Variants in ATP8B4 observed in about 807,000 individuals in gnomAD.
ATP8B4 encodes the protein ATPase phospholipid transporting 8B4 (putative).
Under a neutral mutation model 145.6 loss-of-function variants are expected in ATP8B4, and 133 were observed. The observed-to-expected ratio is 0.91, with a 90% CI of 0.79 to 1.05. The LOEUF is 1.05. Ranked by LOEUF, ATP8B4 falls within the 50% of genes least tolerant of loss-of-function variation. The pLI, the probability that ATP8B4 is intolerant of heterozygous loss-of-function variation, is 0.00. For synonymous variants in ATP8B4, 507 were observed against 492.9 expected, an observed-to-expected ratio of 1.03 and a Z score of -0.38; for missense variants, 1,458 against 1,425.2, an observed-to-expected ratio of 1.02 and a Z score of -0.37.
chr15:49,878,438 C>T (rs12907836), intron 24 of ATP8B4, among the ~76,000 whole-genome samples: 46,325 of 152,094 alleles, frequency 0.3, 7,696 homozygotes, highest in African/African-American at 0.42. Flanking sequence ...TTATATTTTG[C>T]AATAGACGGC....
intron 6 of ATP8B4, among the ~76,000 whole-genome samples, chr15:50,020,900 A>T (rs1270095910): frequency 6.6e-6 from 1 of 152,246 alleles, no homozygotes; most frequent in African/African-American, 2.4e-5. Flanking sequence ...CAAGATAAAT[A>T]CTAAAGTATT....
chr15:50,160,999 G>A (rs1161895446), intron 1 of ATP8B4, among the ~76,000 whole-genome samples: 1 of 152,036 alleles, frequency 6.6e-6, no homozygotes, highest in Non-Finnish European at 1.5e-5. Context: ...TTGTATTGGG[G>A]TCTATCTCTC....
chr15:49,952,276 C>A (rs2043172401), intron 14 of ATP8B4, among the ~76,000 whole-genome samples: 1 of 152,130 alleles, frequency 6.6e-6, no homozygotes, highest in Non-Finnish European at 1.5e-5. Flanking sequence ...TGGATAATAT[C>A]CTAAAGTGTT....
chr15:49,987,558 TA>T lies in ATP8B4; in HGVS notation c.590-10del. 5 of 1,608,406 alleles carry T rather than the reference TA, an allele frequency of 3.1e-6. No individual in the cohort carries two copies. The highest frequency in any genetic ancestry group is 1.1e-5 in the South Asian group (1 of 90,660). ...CTCACAGACAACAATCCCTGGAAAA[TA>T]AAAAAACAAAACAAACCTCTTTATG... On this transcript the variant is annotated splice_polypyrimidine_tract_variant and intron_variant, in intron 9 of 27. Transcript: ENST00000284509.
chr15:50,164,550 T>C (rs549334692), intron 1 of ATP8B4, among the ~76,000 whole-genome samples: 5 of 152,130 alleles, frequency 3.3e-5, no homozygotes, highest in Non-Finnish European at 7.3e-5. Context: ...ATCTCTCTAC[T>C]GTACTGCCTG....
chr15:50,165,563 TAGTTGAAAA>T (rs1168294236), intron 1 of ATP8B4, among the ~76,000 whole-genome samples: 1 of 152,150 alleles, frequency 6.6e-6, no homozygotes, highest in Non-Finnish European at 1.5e-5. Flanking sequence ...TTAAAGGATC[TAGTTGAAAA>T]AGTCAACAAC....
Position 49,991,873 on chromosome 15 carries a change from C to T in ATP8B4, c.590-4324G>A, listed in dbSNP as rs372890014. Among the ~76,000 whole-genome samples, 20 of 152,288 alleles carry T rather than the reference C, an allele frequency of 1.3e-4. No individual in the cohort carries two copies. The East Asian group carries it at 3.3e-3, about 25-fold the overall frequency. ...GGACTTGATCTCTGGTAATTAATTT[C>T]GTACCTTTGGGTTTAGAATATTTTA... On this transcript the variant is annotated intron_variant, in intron 9 of 27. Transcript: ENST00000284509.
At chr15:50,100,911 C>T (rs528805188) in intron 2 of ATP8B4, among the ~76,000 whole-genome samples, 2 of 152,190 alleles carry the variant, frequency 1.3e-5, no homozygotes, top group African/African-American at 4.8e-5. Context: ...ATTAATGTGT[C>T]AATTAACTAA....
chr15:49,973,057 C>T (rs2045319336), intron 12 of ATP8B4, among the ~76,000 whole-genome samples: 1 of 152,140 alleles, frequency 6.6e-6, no homozygotes, highest in Non-Finnish European at 1.5e-5. Flanking sequence ...CTACATTAAA[C>T]AGGCCCGGTG....
At chr15:50,171,697 T>C in intron 1 of ATP8B4, among the ~76,000 whole-genome samples, 1 of 151,102 alleles carries the variant, frequency 6.6e-6, no homozygotes, top group Non-Finnish European at 1.5e-5. Flanking sequence ...AAAAATGAAA[T>C]AACCAAGATC....
At chr15:50,089,461 G>T (rs1439548228) in intron 2 of ATP8B4, among the ~76,000 whole-genome samples, 4 of 152,062 alleles carry the variant, frequency 2.6e-5, no homozygotes, top group Admixed American at 6.6e-5. Flanking sequence ...ATTGAAAAGT[G>T]GGCAAAGGAC....
intron 1 of ATP8B4, among the ~76,000 whole-genome samples, chr15:50,172,653 G>T (rs928201865): frequency 6.6e-6 from 1 of 151,970 alleles, no homozygotes; most frequent in Admixed American, 6.6e-5. Flanking sequence ...AGTCTGGGAA[G>T]TGAGGAGCTC....
At chr15:49,877,623 T>A (rs1358815391) in intron 24 of ATP8B4, among the ~76,000 whole-genome samples, 1 of 152,180 alleles carries the variant, frequency 6.6e-6, no homozygotes, top group East Asian at 1.9e-4. Flanking sequence ...AAGACAGTCA[T>A]GAGCTCAATC....
At chr15:50,180,289 C>T (rs1432301713) in intron 1 of ATP8B4, among the ~76,000 whole-genome samples, 2 of 152,152 alleles carry the variant, frequency 1.3e-5, no homozygotes, top group African/African-American at 4.8e-5. Context: ...CATCTTTGGA[C>T]AAAAACCAGA....
At chr15:50,155,995 C>A (rs2044404991) in intron 1 of ATP8B4, among the ~76,000 whole-genome samples, 1 of 146,172 alleles carries the variant, frequency 6.8e-6, no homozygotes, top group Non-Finnish European at 1.5e-5. Context: ...TATATTTTAG[C>A]TAGGACTGGC....
intron 2 of ATP8B4, among the ~76,000 whole-genome samples, chr15:50,101,528 A>G (rs2056352111): frequency 6.6e-6 from 1 of 152,178 alleles, no homozygotes; most frequent in Non-Finnish European, 1.5e-5. Context: ...GGACTAGTCC[A>G]AAAGGAGATT....
intron 1 of ATP8B4, among the ~76,000 whole-genome samples, chr15:50,163,602 G>A (rs1311152721): frequency 6.6e-6 from 1 of 152,190 alleles, no homozygotes; most frequent in East Asian, 1.9e-4. Context: ...AGCACTGGGT[G>A]TCACCCAAGG....
intron 13 of ATP8B4, among the ~76,000 whole-genome samples, chr15:49,969,247 T>C (rs1390253890): frequency 2.6e-5 from 4 of 152,062 alleles, no homozygotes; most frequent in Non-Finnish European, 5.9e-5. Context: ...ATTCAAAAGC[T>C]AGCAGAAGAC....
chr15:49,899,395 GTTC>G (rs2037774789), intron 21 of ATP8B4, among the ~76,000 whole-genome samples: 1 of 152,166 alleles, frequency 6.6e-6, no homozygotes, highest in African/African-American at 2.4e-5. Context: ...CGAGAGCCAT[GTTC>G]TATTCACAGT....
Sources: gnomAD v4.1 joint callset for allele counts (sites outside exome capture counted in the v4.1 genomes callset) on GRCh38, gnomAD v4.1.1 for gene constraint, MANE v1.5 for transcripts, NCBI Gene and HGNC (gene_info 2026-07-23, HGNC 2026-07-21) for gene names.